Variants in OR4N2 observed in about 807,000 individuals in gnomAD.
The protein encoded by OR4N2 is olfactory receptor 4N2.
For synonymous variants in OR4N2, 141 were observed against 140.4 expected (o/e 1.00, Z -0.03); for missense variants, 307 against 377.6 (o/e 0.81, Z 1.55).
chr14:19,813,728 T>C (rs1332790059), intron 1 of OR4N2, among the ~76,000 whole-genome samples: 1 of 152,336 alleles, frequency 6.6e-6, no homozygotes, highest in Non-Finnish European at 1.5e-5. Context: ...TCATACCAGA[T>C]GCCAGCTTTA....
At position 19,828,474 on chromosome 14, in the gene OR4N2, T is replaced by G; in HGVS notation, c.*102T>G. 8.6e-7 allele frequency: 1 copy of G among 1,163,524 alleles called. No individual in the cohort carries two copies. The highest frequency in any genetic ancestry group is 1.2e-6 in the Non-Finnish European group (1 of 837,132). The allele number at this position is 1,163,524 out of a possible 1,614,324, so 72.1% of individuals were successfully genotyped here. A position where few individuals can be genotyped will look rare whatever the true frequency, so the allele number is the denominator to read the frequency against. On this transcript the variant is annotated 3_prime_UTR_variant, in exon 2 of 2. Transcript: ENST00000557677. ...CTGCAATCACTGAGTACCTCCCATTTGTCAGGACTATTCTGGGAACTGAAA... is the reference window on the plus strand; with the variant it reads ...CTGCAATCACTGAGTACCTCCCATTGGTCAGGACTATTCTGGGAACTGAAA...
In OR4N2 at chr14:19,829,706, G is replaced by A. The variant is rs1335666522; in HGVS notation, c.*1334G>A. The A allele has an allele frequency of 6.6e-6, 1 of 152,222 alleles. No homozygotes were observed. 9.4% of individuals were successfully genotyped at this position (152,222 alleles called of 1,614,324 possible). A position where few individuals can be genotyped will look rare whatever the true frequency, so the allele number is the denominator to read the frequency against. Reference sequence around the variant, plus strand: ...GACTATATATTCAAATCTCAAATGAGTACATTAAATGGGCAGCATCCAAAA... The same window carrying A: ...GACTATATATTCAAATCTCAAATGAATACATTAAATGGGCAGCATCCAAAA... On this transcript the variant is annotated 3_prime_UTR_variant, in exon 2 of 2. Coordinates refer to ENST00000557677, the MANE Select transcript of OR4N2 (RefSeq NM_001004723.3).
chr14:19,816,588 T>C (rs1330579004), intron 1 of OR4N2, among the ~76,000 whole-genome samples: 3 of 152,230 alleles, frequency 2.0e-5, no homozygotes, highest in Non-Finnish European at 4.4e-5. Context: ...CTGAAGGAGA[T>C]TTTGGGCTAA....
chr14:19,819,678 C>T (rs140950446), intron 1 of OR4N2, among the ~76,000 whole-genome samples: 70 of 152,370 alleles, frequency 4.6e-4, no homozygotes, highest in African/African-American at 1.7e-3. Context: ...CTTTGGAAGC[C>T]TACTTCTGTC....
chr14:19,827,991 C>T lies in OR4N2; in HGVS notation c.543C>T (p.Val181=), dbSNP rs1207549075. 1 of 1,614,218 alleles carries T rather than the reference C, an allele frequency of 6.2e-7. No homozygotes were observed. Among genetic ancestry groups the T allele is most frequent in the Non-Finnish European group, 8.5e-7 (1 of 1,180,044 alleles). Residue 181 remains valine (V), a synonymous_variant, in exon 2 of 2, where the codon GTC becomes GTT. Transcript: ENST00000557677. ...PNQLDNFFCD[V]PQVIKLACTD... ...AGCTGGACAACTTCTTCTGTGATGT[C>T]CCACAGGTCATCAAGCTGGCCTGCA...
chr14:19,828,440 T>A lies in OR4N2; in HGVS notation c.*68T>A. On this transcript the variant is annotated 3_prime_UTR_variant, in exon 2 of 2. Transcript: ENST00000557677. ...TTTTATCTGAAATTGATTTGTTTATTTCCAAGTACTGCAATCACTGAGTAC... is the reference window on the plus strand; with the variant it reads ...TTTTATCTGAAATTGATTTGTTTATATCCAAGTACTGCAATCACTGAGTAC... 1.4e-6 allele frequency: 2 copies of A among 1,384,948 alleles called. No individual in the cohort carries two copies. The highest frequency in any genetic ancestry group is 1.9e-6 in the Non-Finnish European group (2 of 1,026,362). 85.8% of individuals were successfully genotyped at this position (1,384,948 alleles called of 1,614,324 possible).
chr14:19,818,939 G>A (rs1879494766), intron 1 of OR4N2, among the ~76,000 whole-genome samples: 2 of 152,244 alleles, frequency 1.3e-5, no homozygotes, highest in Admixed American at 1.3e-4. Context: ...CTTCGCTTAT[G>A]AAGCTTAGTT....
rs1879811824 is a variant in OR4N2, at chr14:19,829,483, G to A, written c.*1111G>A. 1 of 152,290 alleles carries A rather than the reference G, an allele frequency of 6.6e-6. No individual in the cohort carries two copies. The highest frequency in any genetic ancestry group is 2.4e-5 in the African/African-American group (1 of 41,472). 9.4% of individuals were successfully genotyped at this position (152,290 alleles called of 1,614,324 possible). A position where few individuals can be genotyped will look rare whatever the true frequency, so the allele number is the denominator to read the frequency against. On this transcript the variant is annotated 3_prime_UTR_variant, in exon 2 of 2. Coordinates refer to ENST00000557677, the MANE Select transcript of OR4N2 (RefSeq NM_001004723.3). ...GACTATAGGCTGGACGTCCAGAGAT[G>A]CCTTACAGACTAACACAGGTGACCA...
intron 1 of OR4N2, chr14:19,822,485 T>C (rs1879590759): frequency 6.6e-6 from 1 of 152,272 alleles, no homozygotes; most frequent in South Asian, 2.1e-4. Context: ...TGTGGTTATA[T>C]CATTCATTCT....
intron 1 of OR4N2, among the ~76,000 whole-genome samples, chr14:19,818,574 G>A (rs573839437): frequency 1.2e-4 from 18 of 152,264 alleles, no homozygotes; most frequent in African/African-American, 4.1e-4. Context: ...GCCTATGTGT[G>A]TCTTTGCACG....
At chr14:19,815,596 G>T (rs1405473973) in intron 1 of OR4N2, among the ~76,000 whole-genome samples, 3 of 151,044 alleles carry the variant, frequency 2.0e-5, no homozygotes, top group Admixed American at 6.6e-5. Context: ...TGGATAGATT[G>T]CAAAAATTTC....
At chr14:19,820,324 T>C (rs1453647095) in intron 1 of OR4N2, among the ~76,000 whole-genome samples, 2 of 152,292 alleles carry the variant, frequency 1.3e-5, no homozygotes, top group African/African-American at 4.8e-5. Context: ...TGTCTTCTGC[T>C]AGCTTTTGAA....
At chr14:19,810,331 C>CA (rs1463015477) in intron 1 of OR4N2, among the ~76,000 whole-genome samples, 4 of 152,122 alleles carry the variant, frequency 2.6e-5, no homozygotes, top group Non-Finnish European at 5.9e-5. Context: ...ATTAAAAAGT[C>CA]AAAAAATAAC....
chr14:19,811,431 A>G (rs1201406789), intron 1 of OR4N2, among the ~76,000 whole-genome samples: 1 of 152,198 alleles, frequency 6.6e-6, no homozygotes, highest in Non-Finnish European at 1.5e-5. Flanking sequence ...TATTTTTAGT[A>G]GAGATGGGGT....
At chr14:19,815,276 AC>A (rs1879395716) in intron 1 of OR4N2, among the ~76,000 whole-genome samples, 1 of 152,220 alleles carries the variant, frequency 6.6e-6, no homozygotes, top group African/African-American at 2.4e-5. Flanking sequence ...GAACTAATTT[AC>A]CCTTCCACCA....
In OR4N2 at chr14:19,827,887, G is replaced by A; in HGVS notation, c.439G>A (p.Ala147Thr). 6.2e-7 allele frequency: 1 copy of A among 1,614,208 alleles called. No individual in the cohort carries two copies. Among genetic ancestry groups the A allele is most frequent in the Non-Finnish European group, 8.5e-7 (1 of 1,180,032 alleles). The stretch of plus-strand genomic sequence containing the variant: ...TAGAACCTGCTATGCAATGATGTTG[G>A]CTCTGTGGCTTGGGGGTTTTGTCCA... ...NPRTCYAMML[A>T]LWLGGFVHSI... is the part of the protein sequence containing the mutation. Residue 147 changes from alanine (A) to threonine (T), a missense_variant, in exon 2 of 2, where the codon GCT becomes ACT. Coordinates refer to ENST00000557677, the MANE Select transcript of OR4N2 (RefSeq NM_001004723.3).
At chr14:19,807,284 A>G (rs190955966) in intron 1 of OR4N2, among the ~76,000 whole-genome samples, 114 of 152,170 alleles carry the variant, frequency 7.5e-4, no homozygotes, top group African/African-American at 2.6e-3. Flanking sequence ...AAGGTCAGTG[A>G]AACCAATAAT....
intron 1 of OR4N2, among the ~76,000 whole-genome samples, chr14:19,806,605 A>T (rs1275847010): frequency 2.0e-5 from 3 of 152,184 alleles, no homozygotes; most frequent in Non-Finnish European, 2.9e-5. Flanking sequence ...AGACTTAGAC[A>T]ATCCTACAAT....
chr14:19,815,709 C>A (rs1879411038), intron 1 of OR4N2, among the ~76,000 whole-genome samples: 1 of 136,414 alleles, frequency 7.3e-6, no homozygotes, highest in Non-Finnish European at 1.6e-5. Flanking sequence ...TTAATTAGAT[C>A]TCATTTGTCA....
Sources: gnomAD v4.1 joint callset for allele counts (sites outside exome capture counted in the v4.1 genomes callset) on GRCh38, gnomAD v4.1.1 for gene constraint, MANE v1.5 for transcripts, NCBI Gene and HGNC (gene_info 2026-07-23, HGNC 2026-07-21) for gene names.